The following ZYG11B variants were observed in gnomAD, a reference collection of about 807,000 sequenced individuals.
ZYG11B encodes protein zyg-11 homolog B.
ZYG11B carries 36 observed loss-of-function variants against 82.4 expected under a neutral mutation model. The ratio of observed to expected loss-of-function variants is 0.44; its 90% CI spans 0.33 to 0.58. The LOEUF (loss-of-function observed/expected upper bound fraction) is 0.58, where lower values mean the gene tolerates loss of function less well. ZYG11B is among the 20% of genes least tolerant of loss of function. The pLI is 0.02. For synonymous variants in ZYG11B, 303 were observed against 312.8 expected, an observed-to-expected ratio of 0.97 and a Z score of 0.33; for missense variants, 552 against 895.6, an observed-to-expected ratio of 0.62 and a Z score of 4.90.
At chr1:52,736,778 G>A (rs185110247) in intron 1 of ZYG11B, among the ~76,000 whole-genome samples, 18 of 151,940 alleles carry the variant, frequency 1.2e-4, no homozygotes, top group African/African-American at 3.9e-4. Flanking sequence ...TAGTAGAGAC[G>A]GGGTTTTGCC....
chr1:52,797,188 T>A (rs1229125804), intron 8 of ZYG11B, among the ~76,000 whole-genome samples: 1 of 75,648 alleles, frequency 1.3e-5, no homozygotes, highest in Non-Finnish European at 2.2e-5. Flanking sequence ...ATTTATATAT[T>A]ATATATAAAT....
chr1:52,797,453 C>CATATATGATATATATATTATATATG (rs1645034273), intron 8 of ZYG11B, among the ~76,000 whole-genome samples: 1 of 56,868 alleles, frequency 1.8e-5, no homozygotes, highest in Non-Finnish European at 3.5e-5. Context: ...TATTATATAT[C>CATATATGATATATATATTATATATG]ATATATGATA....
chr1:52,767,626 G>T (rs1217524932), intron 2 of ZYG11B, among the ~76,000 whole-genome samples: 1 of 152,076 alleles, frequency 6.6e-6, no homozygotes, highest in Non-Finnish European at 1.5e-5. Flanking sequence ...TGTTCTTTCT[G>T]GTTCCCCACT....
At chr1:52,804,979 T>C (rs1382553118) in intron 10 of ZYG11B, 1 of 150,914 alleles carries the variant, frequency 6.6e-6, no homozygotes, top group Non-Finnish European at 1.5e-5. Flanking sequence ...TAATCCCAGC[T>C]ACTCGAGAGG....
At chr1:52,789,980 T>G (rs1459692580) in intron 5 of ZYG11B, 23 bp from the exon 6 acceptor site, 2 of 1,547,036 alleles carry the variant, frequency 1.3e-6, no homozygotes, top group African/African-American at 1.4e-5. Flanking sequence ...ATTTAGGATT[T>G]TTTTCTTCCT....
chr1:52,754,787 C>T (rs751093547), intron 1 of ZYG11B, among the ~76,000 whole-genome samples: 33 of 152,042 alleles, frequency 2.2e-4, no homozygotes, highest in South Asian at 6.2e-4. Context: ...ATCTAAAGCC[C>T]GGACTTTTTA....
chr1:52,759,927 T>A (rs1644613253), intron 2 of ZYG11B, among the ~76,000 whole-genome samples: 1 of 152,090 alleles, frequency 6.6e-6, no homozygotes, highest in Non-Finnish European at 1.5e-5. Context: ...GCTTCCCAGG[T>A]TTAAGCAATT....
chr1:52,772,160 A>C, intron 3 of ZYG11B: 1 of 1,380,316 alleles, frequency 7.2e-7, no homozygotes, highest in Non-Finnish European at 1.0e-6. Context: ...TTTTAGTTAA[A>C]CAATCATTTT....
At chr1:52,803,103 T>TATATATATACACAC (rs1553262785) in intron 10 of ZYG11B, among the ~76,000 whole-genome samples, 2 of 79,730 alleles carry the variant, frequency 2.5e-5, no homozygotes, top group Non-Finnish European at 3.8e-5. Context: ...TATATACATA[T>TATATATATACACAC]ATATATATAT....
At chr1:52,746,227 C>T (rs1644475306) in intron 1 of ZYG11B, among the ~76,000 whole-genome samples, 2 of 152,160 alleles carry the variant, frequency 1.3e-5, no homozygotes, top group Non-Finnish European at 2.9e-5. Context: ...GTTGGGATTA[C>T]AGGTGTGAGC....
intron 1 of ZYG11B, among the ~76,000 whole-genome samples, chr1:52,752,878 C>T (rs1286267606): frequency 2.0e-5 from 3 of 151,622 alleles, no homozygotes; most frequent in Middle Eastern, 3.4e-3. Flanking sequence ...TACAGAGTCT[C>T]GCTATGTCGC....
intron 13 of ZYG11B, among the ~76,000 whole-genome samples, chr1:52,818,824 C>T (rs1396835440): frequency 6.8e-6 from 1 of 146,684 alleles, no homozygotes; most frequent in Non-Finnish European, 1.5e-5. Flanking sequence ...GACGGAGTCT[C>T]ACTCTGTTGC....
intron 13 of ZYG11B, among the ~76,000 whole-genome samples, chr1:52,817,802 T>A (rs1431163798): frequency 1.9e-5 from 1 of 51,702 alleles, no homozygotes; most frequent in Non-Finnish European, 4.4e-5. Flanking sequence ...TATATATATA[T>A]ATATATATAT....
In ZYG11B at chr1:52,817,785, A is replaced by ATATATATATATG. The variant is rs1247093642; in HGVS notation, c.2044+1167_2044+1168insGTATATATATAT. The stretch of plus-strand genomic sequence containing the variant: ...AGTGTGTATATATATGTGTATATAT[A>ATATATATATATG]TATATATATATATATATATATATAT... On this transcript the variant is annotated intron_variant, in intron 13 of 13. Transcript: ENST00000294353. 5.4e-3 allele frequency among the ~76,000 whole-genome samples: 138 copies of ATATATATATATG among 25,456 alleles called. 16 individuals carry two copies. In the East Asian group the frequency reaches 0.11, roughly 20 times the overall value. The allele number at this position is 25,456 out of a possible 152,430, so 16.7% of individuals were successfully genotyped here.
chr1:52,815,449 C>T (rs555081824), intron 12 of ZYG11B, among the ~76,000 whole-genome samples: 2 of 151,822 alleles, frequency 1.3e-5, no homozygotes, highest in Admixed American at 1.3e-4. Context: ...AGTGAGACCC[C>T]GTCTCTACAA....
At chr1:52,744,406 T>C (rs368094489) in intron 1 of ZYG11B, among the ~76,000 whole-genome samples, 1 of 152,222 alleles carries the variant, frequency 6.6e-6, no homozygotes. Context: ...AATATATTCC[T>C]GTTGTTAAGC....
chr1:52,804,666 T>C (rs1198492207), intron 10 of ZYG11B, among the ~76,000 whole-genome samples: 1 of 151,924 alleles, frequency 6.6e-6, no homozygotes, highest in African/African-American at 2.4e-5. Context: ...TCTTAACATA[T>C]TGGATATGGA....
In ZYG11B at chr1:52,802,095, T is replaced by C; in HGVS notation, c.1651T>C (p.Phe551Leu). 2 of 1,609,518 alleles carry C rather than the reference T, an allele frequency of 1.2e-6. No homozygotes were observed. The highest frequency in any genetic ancestry group is 1.7e-6 in the Non-Finnish European group (2 of 1,178,810). Residue 551 changes from phenylalanine to leucine, a missense_variant, in exon 10 of 14, where the codon TTC becomes CTC. Physicochemically the swap from Phe to Leu is conservative, Grantham distance 22 (BLOSUM62 0). This residue lies in a region of ZYG11B where 66 missense variants were observed against 176.4 expected (regional missense o/e 0.37). Transcript: ENST00000294353. Reference sequence around the variant, plus strand: ...AGGTTTCTTTTTCTTTTTACAGTCTTTCCCAACTGAGTCATCCATTCAGCA... The same window carrying C: ...AGGTTTCTTTTTCTTTTTACAGTCTCTCCCAACTGAGTCATCCATTCAGCA... ...LELFMRVLES[F>L]PTESSIQQKV...
chr1:52,773,809 A>C (rs1644779145), intron 3 of ZYG11B, among the ~76,000 whole-genome samples: 1 of 150,126 alleles, frequency 6.7e-6, no homozygotes, highest in South Asian at 2.1e-4. Flanking sequence ...TGCCCGGCTA[A>C]GTTTTTGTAT....
Sources: allele counts gnomAD v4.1 joint callset (sites outside exome capture counted in the v4.1 genomes callset), GRCh38; gene constraint gnomAD v4.1.1; regional missense constraint gnomAD v4.1.1; transcripts MANE v1.5; gene names NCBI Gene and HGNC (gene_info 2026-07-23, HGNC 2026-07-21).